Variants in NRXN1 observed in about 807,000 individuals in gnomAD.
NRXN1 encodes neurexin 1.
NRXN1 carries 39 observed loss-of-function variants against 150.9 expected under a neutral mutation model. The ratio of observed to expected loss-of-function variants is 0.26; its 90% CI spans 0.20 to 0.34. The LOEUF is 0.34. Among genes scored for constraint, NRXN1 ranks in the 10% least tolerant of loss-of-function variants. NRXN1 has a pLI of 1.00. For synonymous variants in NRXN1, 924 were observed against 757.0 expected, an observed-to-expected ratio of 1.22 and a Z score of -3.62; for missense variants, 1,815 against 1,949.9, an observed-to-expected ratio of 0.93 and a Z score of 1.30.
intron 5 of NRXN1, among the ~76,000 whole-genome samples, chr2:50,842,060 C>T (rs1171104684): frequency 2.6e-5 from 4 of 152,190 alleles, no homozygotes; most frequent in Non-Finnish European, 5.9e-5. Context: ...AACTGGACAT[C>T]ATCTCCATTT....
chr2:50,649,287 C>CAT (rs1159700325), intron 5 of NRXN1, among the ~76,000 whole-genome samples: 2 of 151,212 alleles, frequency 1.3e-5, no homozygotes, highest in Non-Finnish European at 3.0e-5. Flanking sequence ...CACACACACA[C>CAT]ACACACACAA....
At chr2:50,782,769 T>G (rs1450695259) in intron 5 of NRXN1, among the ~76,000 whole-genome samples, 3 of 152,158 alleles carry the variant, frequency 2.0e-5, no homozygotes, top group African/African-American at 4.8e-5. Flanking sequence ...TGGCTGGTTC[T>G]AAACCTAACA....
At position 49,959,169 on chromosome 2, in the gene NRXN1, T is replaced by A. The variant is rs118081638; in HGVS notation, c.4129-15378A>T. ...TCCTTATTGAAACAAGATTCCACATTTCTAAATTTCTATTTTCCAAGATCT... is the reference window on the plus strand; with the variant it reads ...TCCTTATTGAAACAAGATTCCACATATCTAAATTTCTATTTTCCAAGATCT... On this transcript the variant is annotated intron_variant, in intron 21 of 22. Transcript: ENST00000401669. Among the ~76,000 whole-genome samples, 16 of 152,260 alleles carry A rather than the reference T, an allele frequency of 1.1e-4. No homozygotes were observed. The East Asian group carries it at 3.1e-3, about 29-fold the overall frequency.
At chr2:50,336,540 G>T (rs1360184996) in intron 17 of NRXN1, among the ~76,000 whole-genome samples, 1 of 152,106 alleles carries the variant, frequency 6.6e-6, no homozygotes, top group African/African-American at 2.4e-5. Context: ...TTAACCATTT[G>T]CAGGATTCCT....
At chr2:50,168,209 T>A (rs2059804680) in intron 18 of NRXN1, among the ~76,000 whole-genome samples, 1 of 152,104 alleles carries the variant, frequency 6.6e-6, no homozygotes, top group South Asian at 2.1e-4. Flanking sequence ...ATGGCAAACA[T>A]TACAAGCATG....
At chr2:50,739,010 T>A (rs1194855464) in intron 5 of NRXN1, among the ~76,000 whole-genome samples, 2 of 152,152 alleles carry the variant, frequency 1.3e-5, no homozygotes, top group African/African-American at 2.4e-5. Flanking sequence ...CAGTGCTCTA[T>A]TAGGCCTAGC....
At chr2:49,946,158 T>C (rs1160691058) in intron 21 of NRXN1, among the ~76,000 whole-genome samples, 1 of 152,250 alleles carries the variant, frequency 6.6e-6, no homozygotes, top group Non-Finnish European at 1.5e-5. Context: ...TTTTTTCATA[T>C]GTGTGTTGGC....
chr2:50,091,924 T>A (rs777848494), intron 18 of NRXN1, among the ~76,000 whole-genome samples: 7 of 152,204 alleles, frequency 4.6e-5, no homozygotes, highest in Non-Finnish European at 8.8e-5. Context: ...TGACAAATAC[T>A]CACAATAGGG....
intron 8 of NRXN1, among the ~76,000 whole-genome samples, chr2:50,566,331 C>T (rs968504403): frequency 2.0e-5 from 3 of 152,012 alleles, no homozygotes; most frequent in Admixed American, 6.6e-5. Context: ...GCAACCTCCG[C>T]TGCCTGGGTT....
At chr2:50,447,058 T>C (rs1305741891) in intron 17 of NRXN1, among the ~76,000 whole-genome samples, 1 of 152,178 alleles carries the variant, frequency 6.6e-6, no homozygotes, top group Non-Finnish European at 1.5e-5. Flanking sequence ...TGACTGCAAC[T>C]GTCATGTAGT....
chr2:50,175,463 T>A (rs890617390), intron 18 of NRXN1, among the ~76,000 whole-genome samples: 3 of 152,112 alleles, frequency 2.0e-5, no homozygotes, highest in African/African-American at 7.2e-5. Flanking sequence ...TTTAGGCAGA[T>A]GGAGCATTTC....
At chr2:50,891,290 G>A (rs1681023252) in intron 5 of NRXN1, among the ~76,000 whole-genome samples, 1 of 152,004 alleles carries the variant, frequency 6.6e-6, no homozygotes, top group South Asian at 2.1e-4. Context: ...TAGAAAAGTG[G>A]CAAGTTGAAA....
chr2:50,217,027 T>C (rs1342208894), intron 18 of NRXN1, among the ~76,000 whole-genome samples: 1 of 152,078 alleles, frequency 6.6e-6, no homozygotes, highest in Non-Finnish European at 1.5e-5. Context: ...TCAAAAGCAA[T>C]GACCTTGTCA....
chr2:50,139,534 C>A (rs1012130508), intron 18 of NRXN1, among the ~76,000 whole-genome samples: 1 of 152,078 alleles, frequency 6.6e-6, no homozygotes, highest in Non-Finnish European at 1.5e-5. Context: ...AAGTTCCATT[C>A]TTTTCAATGT....
intron 17 of NRXN1, among the ~76,000 whole-genome samples, chr2:50,265,535 T>A (rs148523019): frequency 6.6e-6 from 1 of 152,350 alleles, no homozygotes; most frequent in East Asian, 1.9e-4. Context: ...TATTACCACA[T>A]GAGTTACTAG....
intron 18 of NRXN1, among the ~76,000 whole-genome samples, chr2:50,198,223 C>A (rs1199830769): frequency 6.6e-6 from 1 of 152,056 alleles, no homozygotes; most frequent in East Asian, 1.9e-4. Context: ...TTGGCACACT[C>A]ACTTGCATGC....
At chr2:50,354,504 T>G (rs1439995927) in intron 17 of NRXN1, among the ~76,000 whole-genome samples, 1 of 148,486 alleles carries the variant, frequency 6.7e-6, no homozygotes, top group African/African-American at 2.5e-5. Flanking sequence ...GTGCCTAGAG[T>G]ATATGTGTGT....
At position 50,351,407 on chromosome 2, in the gene NRXN1, T is replaced by C. The variant is rs1456277272; in HGVS notation, c.3364+114035A>G. 7.2e-5 allele frequency among the ~76,000 whole-genome samples: 11 copies of C among 152,216 alleles called. No homozygotes were observed. In the South Asian group the frequency reaches 1.9e-3, roughly 26 times the overall value. ...GTGCTACTATCATCTCTAATTATGATGTGGCTGTGCTCATTAGTTATAATA... is the reference window on the plus strand; with the variant it reads ...GTGCTACTATCATCTCTAATTATGACGTGGCTGTGCTCATTAGTTATAATA... On this transcript the variant is annotated intron_variant, in intron 17 of 22. Coordinates refer to ENST00000401669, the MANE Select transcript of NRXN1 (RefSeq NM_001330078.2).
intron 18 of NRXN1, among the ~76,000 whole-genome samples, chr2:50,112,865 A>T (rs1435781369): frequency 6.6e-6 from 1 of 152,160 alleles, no homozygotes; most frequent in Non-Finnish European, 1.5e-5. Flanking sequence ...TATATTAATT[A>T]TACTATTCTA....
Sources: allele counts gnomAD v4.1 joint callset (sites outside exome capture counted in the v4.1 genomes callset), GRCh38; gene constraint gnomAD v4.1.1; transcripts MANE v1.5; gene names NCBI Gene and HGNC (gene_info 2026-07-23, HGNC 2026-07-21).